PDE11A: variants seen among roughly 807,000 people sequenced by gnomAD.
PDE11A encodes phosphodiesterase 11A.
Under a neutral mutation model 100.5 loss-of-function variants are expected in PDE11A, and 100 were observed. The observed-to-expected ratio is 1.00, with a 90% confidence interval of 0.85 to 1.18. PDE11A has a LOEUF of 1.18. Ranked by LOEUF, PDE11A falls within the 50% of genes most tolerant of loss-of-function variation. PDE11A has a pLI of 0.00. For missense variants in PDE11A, 1,141 were observed against 1,152.6 expected (o/e 0.99, Z 0.15); for synonymous variants, 381 against 420.8 (o/e 0.91, Z 1.16).
intron 5 of PDE11A, among the ~76,000 whole-genome samples, chr2:177,870,354 C>T (rs540467744): frequency 2.1e-4 from 32 of 152,312 alleles, no homozygotes; most frequent in Non-Finnish European, 3.8e-4. Context: ...TCATTGGACA[C>T]ACATATTAAC....
chr2:177,900,632 C>T (rs1412051775), intron 3 of PDE11A, among the ~76,000 whole-genome samples: 1 of 152,126 alleles, frequency 6.6e-6, no homozygotes, highest in African/African-American at 2.4e-5. Context: ...GTAGTGCATG[C>T]CTGTAGTCCC....
intron 2 of PDE11A, among the ~76,000 whole-genome samples, chr2:177,982,742 CA>C (rs202024923): frequency 6.7e-6 from 1 of 149,212 alleles, no homozygotes; most frequent in Admixed American, 6.7e-5. Context: ...TCTTGATAGC[CA>C]AAAAAAAGAA....
chr2:177,945,189 G>T (rs1011882571), intron 2 of PDE11A, among the ~76,000 whole-genome samples: 1 of 151,542 alleles, frequency 6.6e-6, no homozygotes, highest in African/African-American at 2.4e-5. Context: ...CCTCCCAGCC[G>T]CCTGCCTTGG....
At chr2:178,043,451 G>A (rs771130908) in intron 1 of PDE11A, among the ~76,000 whole-genome samples, 1 of 152,120 alleles carries the variant, frequency 6.6e-6, no homozygotes, top group Non-Finnish European at 1.5e-5. Context: ...GTGGCAGATG[G>A]CTCATAACTT....
chr2:177,851,739 C>CT (rs3066392), intron 5 of PDE11A, among the ~76,000 whole-genome samples: 15,808 of 151,218 alleles, frequency 0.1, 1,123 homozygotes, highest in Non-Finnish European at 0.15. Context: ...TTTAAAATGT[C>CT]TTTTTTTTTA....
Position 177,713,981 on chromosome 2 carries a change from T to G in PDE11A, c.2044-2103A>C, listed in dbSNP as rs1340343374. ...TAGTTTTCCCACCATATTTCTTTTC[T>G]TTTTTCTTTTTTTTTTTTTTTTTTT... On this transcript the variant is annotated intron_variant, in intron 12 of 19. Coordinates refer to ENST00000286063, the MANE Select transcript of PDE11A (RefSeq NM_016953.4). Among the ~76,000 whole-genome samples the G allele has an allele frequency of 4.0e-5, 4 of 100,756 alleles. No homozygotes were observed. In the East Asian group the frequency reaches 1.2e-3, roughly 30 times the overall value. The allele number at this position is 100,756 out of a possible 152,430, so 66.1% of individuals were successfully genotyped here. A position where few individuals can be genotyped will look rare whatever the true frequency, so the allele number is the denominator to read the frequency against.
chr2:178,097,238 C>T (rs1180427982), intron 2 of PDE11A, among the ~76,000 whole-genome samples: 1 of 152,104 alleles, frequency 6.6e-6, no homozygotes, highest in African/African-American at 2.4e-5. Flanking sequence ...ACCCCTGGTA[C>T]CAATTTACTA....
At chr2:177,865,974 T>C (rs1026514796) in intron 5 of PDE11A, among the ~76,000 whole-genome samples, 7 of 151,966 alleles carry the variant, frequency 4.6e-5, no homozygotes, top group African/African-American at 1.7e-4. Context: ...ACCACTGAAT[T>C]GAACACCTTA....
At position 177,979,077 on chromosome 2, in the gene PDE11A, T is replaced by TAAAAA. The variant is rs72020976; in HGVS notation, c.1071+35220_1071+35224dup. ...ATGTACCCTAAAACTTAGAGTATAA[T>TAAAAA]AAAAAAAAAAAAAAAAAGAAAGAAA... On this transcript the variant is annotated intron_variant, in intron 2 of 19. Coordinates refer to ENST00000286063, the MANE Select transcript of PDE11A (RefSeq NM_016953.4). Among the ~76,000 whole-genome samples, 47 of 113,022 alleles carry TAAAAA rather than the reference T, an allele frequency of 4.2e-4. 1 individual carries two copies. Among genetic ancestry groups the TAAAAA allele is most frequent in the Admixed American group, 1.4e-3 (15 of 11,096 alleles). 74.1% of individuals were successfully genotyped at this position (113,022 alleles called of 152,430 possible).
intron 2 of PDE11A, among the ~76,000 whole-genome samples, chr2:177,945,239 C>G (rs1431564838): frequency 2.0e-5 from 3 of 150,596 alleles, no homozygotes; most frequent in Admixed American, 6.6e-5. Flanking sequence ...GCCCGGCCGC[C>G]ACCCCGTCTG....
intron 2 of PDE11A, among the ~76,000 whole-genome samples, chr2:178,003,835 C>G (rs1309757607): frequency 1.3e-5 from 2 of 152,082 alleles, no homozygotes; most frequent in Non-Finnish European, 2.9e-5. Context: ...CATTTTTGAC[C>G]TATAGAACAG....
chr2:177,739,718 G>C (rs552135252), intron 10 of PDE11A, among the ~76,000 whole-genome samples: 4 of 152,170 alleles, frequency 2.6e-5, no homozygotes, highest in Non-Finnish European at 4.4e-5. Flanking sequence ...ACAGACTCTA[G>C]TTTCCACATA....
chr2:178,069,186 A>G (rs1559061378), intron 1 of PDE11A, among the ~76,000 whole-genome samples: 1 of 152,196 alleles, frequency 6.6e-6, no homozygotes. Flanking sequence ...CTTTGACACA[A>G]TATCTCATTT....
intron 7 of PDE11A, among the ~76,000 whole-genome samples, chr2:177,819,868 T>TTCTCTCTCTCTCTCTC (rs34374310): frequency 1.4e-4 from 20 of 139,166 alleles, no homozygotes; most frequent in African/African-American, 4.8e-4. Context: ...CTTTCTCTCT[T>TTCTCTCTCTCTCTCTC]TCTCTCTCTC....
rs141755075 is a variant in PDE11A, at chr2:177,952,866, A to G, written c.1072-47679T>C. Among the ~76,000 whole-genome samples, 33 of 152,294 alleles carry G rather than the reference A, an allele frequency of 2.2e-4. 1 individual carries two copies. In the East Asian group the frequency reaches 6.4e-3, roughly 29 times the overall value. On this transcript the variant is annotated intron_variant, in intron 2 of 19. Coordinates refer to ENST00000286063, the MANE Select transcript of PDE11A (RefSeq NM_016953.4). ...CCCCTCTCATATGTGATTCCCTGAC[A>G]GGCAATTACTGCTTTTCCTGGAATG... is the stretch of plus-strand genomic sequence containing the variant.
At chr2:177,789,185 G>C (rs536672655) in intron 9 of PDE11A, among the ~76,000 whole-genome samples, 16,410 of 151,752 alleles carry the variant, frequency 0.11, 1,111 homozygotes, top group Non-Finnish European at 0.14. Flanking sequence ...AAAAGCTTAT[G>C]CACCATGATC....
At position 177,928,287 on chromosome 2, in the gene PDE11A, G is replaced by A. The variant is rs568361499; in HGVS notation, c.1072-23100C>T. On this transcript the variant is annotated intron_variant, in intron 2 of 19. Coordinates refer to ENST00000286063, the MANE Select transcript of PDE11A (RefSeq NM_016953.4). ...GAAGTAGGAGGATCACTTGAAGCCA[G>A]GAGTTTGAGAACAGCCTGGGCCACA... Among the ~76,000 whole-genome samples, 4 of 152,230 alleles carry A rather than the reference G, an allele frequency of 2.6e-5. No homozygotes were observed. In the East Asian group the frequency reaches 7.7e-4, roughly 29 times the overall value.
intron 2 of PDE11A, among the ~76,000 whole-genome samples, chr2:177,961,448 C>T (rs1348965670): frequency 2.0e-5 from 3 of 152,124 alleles, no homozygotes; most frequent in South Asian, 2.1e-4. Context: ...TTCTTTCATC[C>T]GTCTCCAAAA....
chr2:177,708,888 A>C (rs557825229), intron 13 of PDE11A, among the ~76,000 whole-genome samples: 1 of 152,374 alleles, frequency 6.6e-6, no homozygotes, highest in South Asian at 2.1e-4. Flanking sequence ...ACACTTTGGA[A>C]AAGGCACAAC....
Sources: allele counts gnomAD v4.1 joint callset (sites outside exome capture counted in the v4.1 genomes callset), GRCh38; gene constraint gnomAD v4.1.1; transcripts MANE v1.5; gene names NCBI Gene and HGNC (gene_info 2026-07-23, HGNC 2026-07-21).